CSMD1: variants seen among roughly 807,000 people sequenced by gnomAD.
CSMD1 encodes the protein CUB and sushi domain-containing protein 1.
A neutral mutation model predicts 417.5 loss-of-function variants in CSMD1; 213 were observed. The ratio of observed to expected loss-of-function variants is 0.51; its 90% CI spans 0.46 to 0.57. The LOEUF (loss-of-function observed/expected upper bound fraction) is 0.57. Ranked by LOEUF, CSMD1 falls within the 20% of genes least tolerant of loss-of-function variation. CSMD1 has a pLI of 0.00. For synonymous variants in CSMD1, 2,862 were observed against 1,736.8 expected (o/e 1.65, Z -16.11); for missense variants, 6,923 against 4,529.7 (o/e 1.53, Z -15.17).
At position 4,452,031 on chromosome 8, in the gene CSMD1, C is replaced by G. The variant is rs181371518; in HGVS notation, c.303-31966G>C. On this transcript the variant is annotated intron_variant, in intron 2 of 69. Coordinates refer to ENST00000635120, the MANE Select transcript of CSMD1 (RefSeq NM_033225.6). Reference sequence around the variant, plus strand: ...ATATTATCTTTAGGCAGCCTGCCTTCTCACCAGAGGGGTGGAAGAGGAAGA... The same window carrying G: ...ATATTATCTTTAGGCAGCCTGCCTTGTCACCAGAGGGGTGGAAGAGGAAGA... Among the ~76,000 whole-genome samples the G allele has an allele frequency of 4.6e-3, 694 of 151,606 alleles. 5 individuals are homozygous for G. The highest frequency in any genetic ancestry group is 0.015 in the African/African-American group (638 of 41,402).
rs1016670543 is a variant in CSMD1 at position 4,624,846 on chromosome 8, G to A, written c.302+12496C>T. On this transcript the variant is annotated intron_variant, in intron 2 of 69. Transcript: ENST00000635120. ...CAGAGTCCACATCACACCCACCTTA[G>A]CCTTTCAAATTACATTCGTTTCCAT... is the stretch of plus-strand genomic sequence containing the variant. Among the ~76,000 whole-genome samples the A allele has an allele frequency of 2.0e-5, 3 of 152,084 alleles. No homozygotes were observed. In the South Asian group the frequency reaches 6.2e-4, roughly 32 times the overall value.
intron 3 of CSMD1, among the ~76,000 whole-genome samples, chr8:4,389,753 ATTGT>A (rs1563122788): frequency 6.6e-6 from 1 of 152,148 alleles, no homozygotes. Context: ...ACACAAATAT[ATTGT>A]TTGCTTCTTT....
At chr8:4,241,912 G>T (rs1317925517) in intron 3 of CSMD1, among the ~76,000 whole-genome samples, 1 of 152,140 alleles carries the variant, frequency 6.6e-6, no homozygotes, top group Non-Finnish European at 1.5e-5. Context: ...ACAACATCGT[G>T]AAGCTATTTT....
chr8:3,751,989 A>G (rs1286278542), intron 6 of CSMD1, among the ~76,000 whole-genome samples: 3 of 152,176 alleles, frequency 2.0e-5, no homozygotes. Context: ...CGGGATGGAC[A>G]TATCCATAGA....
chr8:4,468,059 C>T (rs565121919), intron 2 of CSMD1, among the ~76,000 whole-genome samples: 10 of 121,724 alleles, frequency 8.2e-5, no homozygotes, highest in Admixed American at 5.5e-4. Context: ...GCCTCCTGTC[C>T]GTCCCTGTCT....
chr8:3,295,733 T>G (rs927334687), intron 25 of CSMD1, among the ~76,000 whole-genome samples: 1 of 152,186 alleles, frequency 6.6e-6, no homozygotes, highest in African/African-American at 2.4e-5. Flanking sequence ...GAATACCTGA[T>G]TACCGTCAGA....
chr8:3,960,932 T>C (rs1812283387), intron 5 of CSMD1, among the ~76,000 whole-genome samples: 1 of 152,060 alleles, frequency 6.6e-6, no homozygotes, highest in African/African-American at 2.4e-5. Context: ...TCCTCTGGAA[T>C]AAATGGATAA....
intron 8 of CSMD1, among the ~76,000 whole-genome samples, chr8:3,592,392 G>GA (rs1017851538): frequency 1.2e-4 from 18 of 151,946 alleles, no homozygotes; most frequent in Admixed American, 3.9e-4. Flanking sequence ...TCAGCAAAAA[G>GA]AAAAAATACA....
At chr8:3,411,942 G>GTA (rs1554543328) in intron 12 of CSMD1, among the ~76,000 whole-genome samples, 566 of 6,794 alleles carry the variant, frequency 0.083, 77 homozygotes, top group Non-Finnish European at 0.11. Context: ...ACGTATATAT[G>GTA]CACGTATATA....
chr8:4,831,420 C>A (rs891618619), intron 1 of CSMD1, among the ~76,000 whole-genome samples: 14 of 152,194 alleles, frequency 9.2e-5, no homozygotes, highest in African/African-American at 2.7e-4. Flanking sequence ...TGAATAACTA[C>A]AAATATCCAT....
In CSMD1 at chr8:3,667,990, A is replaced by G. The variant is rs554431745; in HGVS notation, c.1009+40424T>C. Among the ~76,000 whole-genome samples, 84 of 152,260 alleles carry G rather than the reference A, an allele frequency of 5.5e-4. 2 individuals carry two copies. Among genetic ancestry groups the G allele is most frequent in the African/African-American group, 1.9e-3 (79 of 41,552 alleles). ...TCTAACAGAGCCCCAATCCCGATCA[A>G]TATGAGTGTCTGTGCGCCTCAGAGC... On this transcript the variant is annotated intron_variant, in intron 7 of 69. Transcript: ENST00000635120.
intron 2 of CSMD1, among the ~76,000 whole-genome samples, chr8:4,439,979 C>T (rs987639750): frequency 1.3e-5 from 2 of 152,156 alleles, no homozygotes; most frequent in Admixed American, 6.5e-5. Flanking sequence ...CTGCACACTT[C>T]ACCAGCCTAG....
intron 3 of CSMD1, among the ~76,000 whole-genome samples, chr8:4,210,044 A>T (rs1253004082): frequency 6.6e-6 from 1 of 152,142 alleles, no homozygotes; most frequent in East Asian, 1.9e-4. Context: ...CCAGTGTCTA[A>T]GCCCTGCTTC....
chr8:2,991,536 C>T (rs1445105055), intron 54 of CSMD1, among the ~76,000 whole-genome samples: 1 of 152,082 alleles, frequency 6.6e-6, no homozygotes, highest in South Asian at 2.1e-4. Context: ...CTTTAAAAAA[C>T]AACCTGGAAT....
intron 5 of CSMD1, among the ~76,000 whole-genome samples, chr8:3,953,481 G>A (rs778752858): frequency 2.0e-5 from 3 of 152,256 alleles, no homozygotes; most frequent in Admixed American, 1.3e-4. Context: ...AGAGAGAGGT[G>A]TATGGGCTGA....
At chr8:3,035,530 A>G (rs764197917) in intron 50 of CSMD1, among the ~76,000 whole-genome samples, 1 of 152,160 alleles carries the variant, frequency 6.6e-6, no homozygotes, top group Non-Finnish European at 1.5e-5. Context: ...TTATTCTACA[A>G]ATGACTAAAA....
rs150767012 is a variant in CSMD1 at position 4,601,825 on chromosome 8, A to G, written c.302+35517T>C. 5.8e-4 allele frequency among the ~76,000 whole-genome samples: 89 copies of G among 152,274 alleles called. 2 individuals are homozygous for G. The highest frequency in any genetic ancestry group is 3.4e-3 in the Middle Eastern group (1 of 294). ...ATTTATCCATGTCTGAGCATGTCTG[A>G]GGTTAGCGTGCATCTTTCACCCTGG... is the stretch of plus-strand genomic sequence containing the variant. On this transcript the variant is annotated intron_variant, in intron 2 of 69. Coordinates refer to ENST00000635120, the MANE Select transcript of CSMD1 (RefSeq NM_033225.6).
intron 5 of CSMD1, among the ~76,000 whole-genome samples, chr8:3,904,416 C>A (rs185666306): frequency 3.9e-5 from 6 of 152,186 alleles, no homozygotes; most frequent in Admixed American, 3.9e-4. Flanking sequence ...TATGTTAGTG[C>A]TTCTCAAACT....
At chr8:3,690,083 G>A (rs576519755) in intron 7 of CSMD1, among the ~76,000 whole-genome samples, 3 of 152,274 alleles carry the variant, frequency 2.0e-5, no homozygotes, top group Admixed American at 2.0e-4. Context: ...TCTAGGCTGC[G>A]CGTAGTGGCC....
Sources: allele counts gnomAD v4.1 joint callset (sites outside exome capture counted in the v4.1 genomes callset), GRCh38; gene constraint gnomAD v4.1.1; transcripts MANE v1.5; gene names NCBI Gene and HGNC (gene_info 2026-07-23, HGNC 2026-07-21).